The following PTPN4 variants were observed in gnomAD, a reference collection of about 807,000 sequenced individuals.
PTPN4 encodes protein tyrosine phosphatase non-receptor type 4.
In PTPN4, 49 loss-of-function variants were observed where a neutral mutation model predicts 135.5. The ratio of observed to expected loss-of-function variants is 0.36; its 90% CI spans 0.29 to 0.46. The LOEUF (loss-of-function observed/expected upper bound fraction) is 0.46. Ranked by LOEUF, PTPN4 falls within the 20% of genes least tolerant of loss-of-function variation. PTPN4 has a pLI of 1.00. For missense variants in PTPN4, 860 were observed against 1,101.0 expected (o/e 0.78, Z 3.10); for synonymous variants, 333 against 369.9 (o/e 0.90, Z 1.14).
chr2:119,983,006 C>T lies in PTPN4; in HGVS notation c.*5936C>T, dbSNP rs551655610. 1.3e-5 allele frequency: 2 copies of T among 152,172 alleles called. No homozygotes were observed. Among genetic ancestry groups the T allele is most frequent in the Non-Finnish European group, 2.9e-5 (2 of 68,024 alleles). The allele number at this position is 152,172 out of a possible 1,614,324, so 9.4% of individuals were successfully genotyped here. A position where few individuals can be genotyped will look rare whatever the true frequency, so the allele number is the denominator to read the frequency against. On this transcript the variant is annotated 3_prime_UTR_variant, in exon 27 of 27. Coordinates refer to ENST00000263708, the MANE Select transcript of PTPN4 (RefSeq NM_002830.4). ...AAAAGGTGGTATTTATTATTCATCA[C>T]TCATGAAACTTGACTCAGTGAGGAC...
At chr2:119,780,629 T>TA (rs1486270672) in intron 1 of PTPN4, among the ~76,000 whole-genome samples, 4 of 152,256 alleles carry the variant, frequency 2.6e-5, no homozygotes, top group East Asian at 1.9e-4. Flanking sequence ...AGATTCAAGT[T>TA]AAACATTTTT....
At position 119,901,384 on chromosome 2, in the gene PTPN4, A is replaced by C. The variant is rs894182957; in HGVS notation, c.764+578A>C. Among the ~76,000 whole-genome samples, 4 of 152,248 alleles carry C rather than the reference A, an allele frequency of 2.6e-5. No homozygotes were observed. The East Asian group carries it at 7.7e-4, about 29-fold the overall frequency. On this transcript the variant is annotated intron_variant, in intron 10 of 26. Coordinates refer to ENST00000263708, the MANE Select transcript of PTPN4 (RefSeq NM_002830.4). ...AACTGTAAGGCTCAGATTGTTTAGG[A>C]GTCCCTTAGGGAAACCTGAAGACAG... is the stretch of plus-strand genomic sequence containing the variant.
chr2:119,856,248 T>C (rs1280664564), intron 2 of PTPN4, among the ~76,000 whole-genome samples: 1 of 152,180 alleles, frequency 6.6e-6, no homozygotes, highest in Non-Finnish European at 1.5e-5. Context: ...TGCGTTTTCC[T>C]CCCCACATCT....
chr2:119,860,147 G>A (rs1360703491), intron 2 of PTPN4, among the ~76,000 whole-genome samples: 2 of 152,178 alleles, frequency 1.3e-5, no homozygotes, highest in Admixed American at 6.5e-5. Flanking sequence ...TTTTAAAAAA[G>A]ATTAATGCTT....
intron 13 of PTPN4, among the ~76,000 whole-genome samples, chr2:119,928,851 A>T (rs1289672602): frequency 6.6e-6 from 1 of 152,082 alleles, no homozygotes; most frequent in Non-Finnish European, 1.5e-5. Context: ...CGAGTACCAG[A>T]TCGTAGGCAT....
intron 2 of PTPN4, among the ~76,000 whole-genome samples, chr2:119,821,178 C>T (rs112718926): frequency 0.023 from 3,459 of 150,934 alleles, 126 homozygotes; most frequent in African/African-American, 0.077. Context: ...CTGCAACCTC[C>T]GCCTCCCAGG....
chr2:119,789,889 AT>A (rs1186252784), intron 1 of PTPN4, among the ~76,000 whole-genome samples: 11 of 148,364 alleles, frequency 7.4e-5, no homozygotes, highest in African/African-American at 7.4e-5. Flanking sequence ...TGCTCAGCTA[AT>A]TTTTTTTTTG....
At chr2:119,786,262 T>A (rs1256291686) in intron 1 of PTPN4, among the ~76,000 whole-genome samples, 1 of 152,244 alleles carries the variant, frequency 6.6e-6, no homozygotes, top group African/African-American at 2.4e-5. Flanking sequence ...ATGACTCGTA[T>A]TTTTTGTGTC....
At chr2:119,933,990 A>G (rs1432086254) in intron 14 of PTPN4, among the ~76,000 whole-genome samples, 2 of 152,358 alleles carry the variant, frequency 1.3e-5, no homozygotes, top group East Asian at 1.9e-4. Flanking sequence ...ACACTAAACA[A>G]TAATAGCAAG....
chr2:119,844,261 C>T (rs1446108600), intron 2 of PTPN4, among the ~76,000 whole-genome samples: 22 of 129,860 alleles, frequency 1.7e-4, no homozygotes, highest in Non-Finnish European at 2.2e-4. Context: ...CCAGACGGGG[C>T]GGCTGGCCGG....
chr2:119,913,606 A>G (rs1448114947), intron 10 of PTPN4, among the ~76,000 whole-genome samples: 1 of 152,192 alleles, frequency 6.6e-6, no homozygotes, highest in Admixed American at 6.5e-5. Context: ...GCTGGGCAAC[A>G]TAGCGAAACC....
At chr2:119,952,326 T>A (rs1679222469) in intron 19 of PTPN4, among the ~76,000 whole-genome samples, 197 bp downstream of exon 19, 1 of 152,028 alleles carries the variant, frequency 6.6e-6, no homozygotes, top group South Asian at 2.1e-4. Context: ...CCTTGCTTAC[T>A]TTCCTCTATT....
At chr2:119,780,869 T>C (rs955879899) in intron 1 of PTPN4, among the ~76,000 whole-genome samples, 1 of 152,246 alleles carries the variant, frequency 6.6e-6, no homozygotes. Context: ...TTTTAGCATT[T>C]GTTAAGTCTT....
intron 1 of PTPN4, among the ~76,000 whole-genome samples, chr2:119,800,381 A>C (rs892027310): frequency 6.6e-6 from 1 of 151,716 alleles, no homozygotes; most frequent in African/African-American, 2.4e-5. Context: ...CCATCTGAAT[A>C]TCCCATTCGG....
In PTPN4 at chr2:119,838,305, G is replaced by A. The variant is rs183716066; in HGVS notation, c.139-24231G>A. Among the ~76,000 whole-genome samples the A allele has an allele frequency of 3.8e-3, 580 of 152,056 alleles. 1 individual carries two copies. Among genetic ancestry groups the A allele is most frequent in the African/African-American group, 0.013 (535 of 41,466 alleles). On this transcript the variant is annotated intron_variant, in intron 2 of 26. Transcript: ENST00000263708. Reference sequence around the variant, plus strand: ...AGGTGTAGCCTGCCAGGTCAAGTGGGCGGAACAAGCCCAGCGGGTATGAGC... The same window carrying A: ...AGGTGTAGCCTGCCAGGTCAAGTGGACGGAACAAGCCCAGCGGGTATGAGC...
At chr2:119,880,657 G>T (rs959077102) in intron 5 of PTPN4, among the ~76,000 whole-genome samples, 6 of 151,414 alleles carry the variant, frequency 4.0e-5, no homozygotes, top group Non-Finnish European at 7.4e-5. Context: ...AGGAAGGATG[G>T]TCTCGATCTC....
intron 2 of PTPN4, among the ~76,000 whole-genome samples, chr2:119,823,203 G>T (rs1677095498): frequency 6.6e-6 from 1 of 150,798 alleles, no homozygotes. Context: ...TCTCTTCTCT[G>T]TGATCACATT....
At chr2:119,920,347 A>G in intron 12 of PTPN4, 106 bp downstream of exon 12, 1 of 1,278,996 alleles carries the variant, frequency 7.8e-7, no homozygotes, top group Non-Finnish European at 1.1e-6. Flanking sequence ...CACAAACTTA[A>G]CTGAGTCAAA....
At chr2:119,862,773 T>A in intron 3 of PTPN4, 130 bp downstream of exon 3, 1 of 599,702 alleles carries the variant, frequency 1.7e-6, no homozygotes, top group Non-Finnish European at 2.7e-6. Context: ...ATAGAGGTAA[T>A]TCTTTTGCTT....
Sources: gnomAD v4.1 joint callset for allele counts (sites outside exome capture counted in the v4.1 genomes callset) on GRCh38, gnomAD v4.1.1 for gene constraint, MANE v1.5 for transcripts, NCBI Gene and HGNC (gene_info 2026-07-23, HGNC 2026-07-21) for gene names.